Variants in PUM2 observed in about 807,000 individuals in gnomAD.
PUM2 encodes the protein pumilio RNA binding family member 2.
A neutral mutation model predicts 124.5 loss-of-function variants in PUM2; 57 were observed. That is an observed-to-expected ratio of 0.46 (90% CI 0.37 to 0.57). The LOEUF is 0.57. Among genes scored for constraint, PUM2 ranks in the 20% least tolerant of loss-of-function variants. The pLI is 0.00. For missense variants in PUM2, 1,065 were observed against 1,290.6 expected (o/e 0.83, Z 2.68); for synonymous variants, 460 against 446.1 (o/e 1.03, Z -0.39).
intron 12 of PUM2, among the ~76,000 whole-genome samples, chr2:20,281,441 G>C (rs1004719423): frequency 2.0e-5 from 3 of 152,138 alleles, no homozygotes; most frequent in African/African-American, 7.2e-5. Context: ...GACATACTAC[G>C]TGAGAAAGGA....
At chr2:20,300,174 A>T (rs1269223100) in intron 7 of PUM2, among the ~76,000 whole-genome samples, 1 of 150,408 alleles carries the variant, frequency 6.6e-6, no homozygotes. Context: ...TTTGAGACAG[A>T]GTTTCGCTCT....
chr2:20,290,831 AATAG>A, intron 9 of PUM2, 41 bp from the exon 10 acceptor site: 1 of 1,435,726 alleles, frequency 7.0e-7, no homozygotes. Flanking sequence ...AATATAAAAT[AATAG>A]ATAAGTAAAT....
chr2:20,304,820 T>C (rs1558599127), intron 7 of PUM2, among the ~76,000 whole-genome samples: 1 of 152,234 alleles, frequency 6.6e-6, no homozygotes, highest in East Asian at 1.9e-4. Flanking sequence ...GACTACATTT[T>C]GCAATATTTT....
chr2:20,259,516 G>A lies in PUM2; in HGVS notation c.2355+821C>T, dbSNP rs114475968. Among the ~76,000 whole-genome samples the A allele has an allele frequency of 5.1e-3, 779 of 152,254 alleles. 3 individuals are homozygous for A. The highest frequency in any genetic ancestry group is 0.018 in the African/African-American group (727 of 41,540). ...TTAGTTATTCTAGACATTTCATACT[G>A]GTAGATCACTATCAATGTTTGTCCT... On this transcript the variant is annotated intron_variant, in intron 15 of 20. Coordinates refer to ENST00000361078, the MANE Select transcript of PUM2 (RefSeq NM_015317.5).
intron 7 of PUM2, among the ~76,000 whole-genome samples, chr2:20,301,712 TGA>T (rs1294336829): frequency 6.6e-6 from 1 of 152,140 alleles, no homozygotes; most frequent in Non-Finnish European, 1.5e-5. Context: ...CTCAGCCTCC[TGA>T]GTAGCTAGGA....
chr2:20,297,800 T>C lies in PUM2; in HGVS notation c.884-122A>G, dbSNP rs1675993064. 3 of 1,003,796 alleles carry C rather than the reference T, an allele frequency of 3.0e-6. No individual in the cohort carries two copies. In the Admixed American group the frequency reaches 8.5e-5, roughly 29 times the overall value. The allele number at this position is 1,003,796 out of a possible 1,614,324, so 62.2% of individuals were successfully genotyped here. A position where few individuals can be genotyped will look rare whatever the true frequency, so the allele number is the denominator to read the frequency against. ...GGGGTGGGGAGCAGAGTGTGCATAA[T>C]GGTTCAAATTTTTACTAAGTGACCT... On this transcript the variant is annotated intron_variant, in intron 7 of 20. Coordinates refer to ENST00000361078, the MANE Select transcript of PUM2 (RefSeq NM_015317.5).
At position 20,255,333 on chromosome 2, in the gene PUM2, C is replaced by T. The variant is rs2148424998; in HGVS notation, c.2631G>A (p.Val877=). The T allele has an allele frequency of 6.2e-7, 1 of 1,611,894 alleles. No homozygotes were observed. Among genetic ancestry groups the T allele is most frequent in the African/African-American group, 1.3e-5 (1 of 74,958 alleles). ...TGCAGCCATAAGGATGAGTTGAAAG[C>T]ACAAATACCTGAGGACAATTAGAAG... The part of the protein sequence containing the change: ...IIDAFKGQVF[V]LSTHPYGCRV... Residue 877 remains valine (V), a synonymous_variant, in exon 18 of 21, where the codon GTG becomes GTA. Transcript: ENST00000361078.
At chr2:20,251,746 C>G (rs1313227421) in intron 20 of PUM2, 30 bp from the exon 21 acceptor site, 4 of 1,604,532 alleles carry the variant, frequency 2.5e-6, no homozygotes, top group African/African-American at 1.3e-5. Context: ...CTTAGAAAAT[C>G]TAAGTCATTT....
At position 20,283,428 on chromosome 2, in the gene PUM2, G is replaced by A. The variant is rs1233745300; in HGVS notation, c.1350C>T (p.Gly450=). 1.2e-6 allele frequency: 2 copies of A among 1,613,970 alleles called. No individual in the cohort carries two copies. The highest frequency in any genetic ancestry group is 2.2e-5 in the East Asian group (1 of 44,880). ...YYDQTGALVV[G]PGARTGLGAP... ...CTCCAAGGCCAGTCCTTGCTCCAGG[G>A]CCAACCACTAAGGCACCAGTCTGAT... is the stretch of plus-strand genomic sequence containing the variant. The change falls in exon 11 of 21, where the codon GGC becomes GGT. Residue 450 remains glycine (G), a synonymous_variant. Coordinates refer to ENST00000361078, the MANE Select transcript of PUM2 (RefSeq NM_015317.5).
chr2:20,289,436 A>G (rs1051104880), intron 10 of PUM2, among the ~76,000 whole-genome samples: 1 of 152,224 alleles, frequency 6.6e-6, no homozygotes, highest in Non-Finnish European at 1.5e-5. Context: ...GCCTAAAACA[A>G]CTTCAGCTTC....
intron 5 of PUM2, among the ~76,000 whole-genome samples, 173 bp from the exon 6 acceptor site, chr2:20,308,757 A>G (rs895167308): frequency 6.6e-6 from 1 of 152,148 alleles, no homozygotes; most frequent in Non-Finnish European, 1.5e-5. Flanking sequence ...CTTTCCTCTT[A>G]ACAGCTGGCA....
chr2:20,254,570 T>C (rs966956507), intron 19 of PUM2, among the ~76,000 whole-genome samples: 3 of 152,328 alleles, frequency 2.0e-5, no homozygotes, highest in African/African-American at 7.2e-5. Context: ...GGAAACCAGA[T>C]CATTAAAGCT....
rs149703886 is a variant in PUM2 at position 20,271,768 on chromosome 2, G to A, written c.1957+6815C>T. ...CACTTTTTCCACAAAGTCACAATAG[G>A]TTAAATTATATTTTACTACAATTTT... is the stretch of plus-strand genomic sequence containing the variant. On this transcript the variant is annotated intron_variant, in intron 13 of 20. Transcript: ENST00000361078. 4.5e-3 allele frequency among the ~76,000 whole-genome samples: 690 copies of A among 152,212 alleles called. 8 individuals are homozygous for A. Among genetic ancestry groups the A allele is most frequent in the African/African-American group, 0.016 (674 of 41,506 alleles).
intron 12 of PUM2, 51 bp downstream of exon 12, chr2:20,282,896 C>A: frequency 6.5e-7 from 1 of 1,547,186 alleles, no homozygotes; most frequent in South Asian, 1.2e-5. Context: ...TAAACACACT[C>A]ATATACCTCT....
intron 10 of PUM2, among the ~76,000 whole-genome samples, chr2:20,286,197 T>A (rs74954739): frequency 6.6e-6 from 1 of 152,030 alleles, no homozygotes; most frequent in South Asian, 2.1e-4. Flanking sequence ...GAGGACTCCA[T>A]AGGGGAGAAA....
intron 2 of PUM2, among the ~76,000 whole-genome samples, chr2:20,320,789 T>C (rs903088662): frequency 3.3e-5 from 5 of 152,104 alleles, no homozygotes; most frequent in Admixed American, 2.0e-4. Flanking sequence ...ATAAATCTAG[T>C]AATATGAATA....
intron 7 of PUM2, among the ~76,000 whole-genome samples, chr2:20,303,272 G>A (rs1184980894): frequency 6.7e-6 from 1 of 150,214 alleles, no homozygotes; most frequent in Non-Finnish European, 1.5e-5. Flanking sequence ...CTCCTCCTCC[G>A]CTTTAATTTT....
intron 1 of PUM2, among the ~76,000 whole-genome samples, chr2:20,346,754 G>T (rs1358551404): frequency 2.6e-5 from 4 of 152,180 alleles, no homozygotes; most frequent in African/African-American, 9.6e-5. Flanking sequence ...CATTGTATGT[G>T]TGTTGGCAGC....
intron 7 of PUM2, among the ~76,000 whole-genome samples, chr2:20,299,575 T>C (rs1572797064): frequency 6.6e-6 from 1 of 151,908 alleles, no homozygotes; most frequent in Middle Eastern, 3.4e-3. Flanking sequence ...GGCTGAGGCA[T>C]GAGAATTGCT....
Sources: gnomAD v4.1 joint callset for allele counts (sites outside exome capture counted in the v4.1 genomes callset) on GRCh38, gnomAD v4.1.1 for gene constraint, MANE v1.5 for transcripts, NCBI Gene and HGNC (gene_info 2026-07-23, HGNC 2026-07-21) for gene names.